Variants in MYO18B observed in about 807,000 individuals in gnomAD.
MYO18B encodes unconventional myosin-XVIIIb.
A neutral mutation model predicts 273.0 loss-of-function variants in MYO18B; 204 were observed. The observed-to-expected ratio is 0.75, with a 90% CI of 0.67 to 0.84. The LOEUF (loss-of-function observed/expected upper bound fraction) is 0.84, where lower values mean the gene tolerates loss of function less well. Ranked by LOEUF, MYO18B falls within the 40% of genes least tolerant of loss-of-function variation. The pLI, the probability that MYO18B is intolerant of heterozygous loss-of-function variation, is 0.00. For missense variants in MYO18B, 3,212 were observed against 3,287.6 expected, an observed-to-expected ratio of 0.98 and a Z score of 0.56; for synonymous variants, 1,330 against 1,305.7, an observed-to-expected ratio of 1.02 and a Z score of -0.40.
At chr22:25,822,022 T>A (rs1292163120) in intron 12 of MYO18B, among the ~76,000 whole-genome samples, 1 of 152,198 alleles carries the variant, frequency 6.6e-6, no homozygotes, top group African/African-American at 2.4e-5. Context: ...CATTCAGGTG[T>A]AAGCATTGTC....
chr22:25,799,473 T>A (rs7292491), intron 12 of MYO18B, among the ~76,000 whole-genome samples: 4 of 152,050 alleles, frequency 2.6e-5, no homozygotes, highest in Non-Finnish European at 4.4e-5. Context: ...TGATTGTGAC[T>A]TTGTCTAGCT....
intron 1 of MYO18B, among the ~76,000 whole-genome samples, chr22:25,758,118 A>G (rs763997456): frequency 1.6e-4 from 25 of 152,126 alleles, no homozygotes; most frequent in Non-Finnish European, 2.2e-4. Context: ...GATTCAAGCA[A>G]TTCTCCCACA....
intron 12 of MYO18B, among the ~76,000 whole-genome samples, chr22:25,801,794 G>A (rs1033582890): frequency 1.3e-5 from 2 of 152,154 alleles, no homozygotes; most frequent in Non-Finnish European, 2.9e-5. Context: ...CTGTTACGAT[G>A]CCCATTTTAT....
At chr22:25,893,221 AT>A (rs981429558) in intron 27 of MYO18B, among the ~76,000 whole-genome samples, 21 of 152,208 alleles carry the variant, frequency 1.4e-4, no homozygotes, top group African/African-American at 5.1e-4. Context: ...TTAAAAAAAT[AT>A]GTTTTCCTTT....
In MYO18B at chr22:26,030,823, G is replaced by C. The variant is rs1426309417; in HGVS notation, c.*393G>C. The stretch of plus-strand genomic sequence containing the variant: ...CTTCCTCCTCCTCTTCACTTGGCCA[G>C]TTTCAGCTCACTTCCTCCAGGAAGT... On this transcript the variant is annotated 3_prime_UTR_variant, in exon 44 of 44. Coordinates refer to ENST00000335473, the MANE Select transcript of MYO18B (RefSeq NM_032608.7). 4 of 397,916 alleles carry C rather than the reference G, an allele frequency of 1.0e-5. No homozygotes were observed. The highest frequency in any genetic ancestry group is 1.8e-5 in the Non-Finnish European group (4 of 225,890). The allele number at this position is 397,916 out of a possible 1,614,324, so 24.6% of individuals were successfully genotyped here. A position where few individuals can be genotyped will look rare whatever the true frequency, so the allele number is the denominator to read the frequency against.
intron 42 of MYO18B, among the ~76,000 whole-genome samples, chr22:26,018,679 G>A (rs1283175910): frequency 5.3e-5 from 8 of 152,208 alleles, no homozygotes; most frequent in Non-Finnish European, 8.8e-5. Flanking sequence ...ATGGCCAGGC[G>A]TGGTTGCTCA....
chr22:25,788,857 A>G (rs1238803531), intron 11 of MYO18B, among the ~76,000 whole-genome samples: 2 of 152,176 alleles, frequency 1.3e-5, no homozygotes, highest in Admixed American at 1.3e-4. Context: ...TCCCAGTACC[A>G]GCGGTTAAGC....
In MYO18B at chr22:25,768,465, C is replaced by G. The variant is rs41281573; in HGVS notation, c.549C>G (p.Pro183=). Residue 183 remains proline, a synonymous_variant, in exon 4 of 44, where the codon CCC becomes CCG. Transcript: ENST00000335473. ...HDAPPCKTSP[P]ATDTGKEKKG... ...CCCCCCCTTGCAAGACCTCTCCCCCCGCCACAGATACTGGAAAGGAAAAGA... is the reference window on the plus strand; with the variant it reads ...CCCCCCCTTGCAAGACCTCTCCCCCGGCCACAGATACTGGAAAGGAAAAGA... 3.7e-6 allele frequency: 6 copies of G among 1,607,216 alleles called. No individual in the cohort carries two copies. In the Admixed American group the frequency reaches 8.4e-5, roughly 23 times the overall value.
At chr22:25,792,320 C>A (rs2087698729) in intron 11 of MYO18B, among the ~76,000 whole-genome samples, 1 of 151,814 alleles carries the variant, frequency 6.6e-6, no homozygotes, top group Non-Finnish European at 1.5e-5. Context: ...CACTTTCTCT[C>A]CTCTCCACTT....
At chr22:25,936,441 C>G (rs2092579391) in intron 34 of MYO18B, among the ~76,000 whole-genome samples, 1 of 152,172 alleles carries the variant, frequency 6.6e-6, no homozygotes. Context: ...TTCCACAGGA[C>G]TTACAGGAAA....
At chr22:25,891,282 G>C in intron 26 of MYO18B, 22 bp from the exon 27 acceptor site, 1 of 1,493,236 alleles carries the variant, frequency 6.7e-7, no homozygotes, top group Non-Finnish European at 9.2e-7. Flanking sequence ...CTCTAGTTTA[G>C]ACCTTGAGCC....
rs1255819241 is a variant in MYO18B at position 25,958,205 on chromosome 22, C to T, written c.6156+2841C>T. On this transcript the variant is annotated intron_variant, in intron 39 of 43. Coordinates refer to ENST00000335473, the MANE Select transcript of MYO18B (RefSeq NM_032608.7). ...GTTGGAATTAACAGGCATGAGCCAC[C>T]GCGCCTGGCCTACAAACCCTTTTTC... Among the ~76,000 whole-genome samples, 5 of 152,130 alleles carry T rather than the reference C, an allele frequency of 3.3e-5. No homozygotes were observed. The South Asian group carries it at 6.2e-4, about 19-fold the overall frequency.
intron 29 of MYO18B, chr22:25,901,177 C>G (rs1454249247): frequency 6.6e-6 from 1 of 152,200 alleles, no homozygotes; most frequent in Non-Finnish European, 1.5e-5. Flanking sequence ...TTGGGTCTCT[C>G]AGAAGTCTGA....
chr22:25,863,708 AGCATTCAG>A (rs1395944320), intron 21 of MYO18B, among the ~76,000 whole-genome samples: 6 of 152,212 alleles, frequency 3.9e-5, no homozygotes, highest in African/African-American at 1.2e-4. Context: ...AAATGTACTC[AGCATTCAG>A]GCAGTTCCCA....
At chr22:25,978,980 T>C (rs1203857140) in intron 39 of MYO18B, among the ~76,000 whole-genome samples, 1 of 152,078 alleles carries the variant, frequency 6.6e-6, no homozygotes, top group African/African-American at 2.4e-5. Flanking sequence ...CTTTAGGAGA[T>C]GATGATGAAG....
intron 17 of MYO18B, among the ~76,000 whole-genome samples, chr22:25,843,453 A>G (rs986366526): frequency 1.1e-4 from 17 of 152,238 alleles, no homozygotes; most frequent in African/African-American, 4.1e-4. Flanking sequence ...AGTCCAGGTG[A>G]TACGTGGTTA....
chr22:25,953,078 C>T (rs910728448), intron 38 of MYO18B, among the ~76,000 whole-genome samples: 4 of 152,148 alleles, frequency 2.6e-5, no homozygotes, highest in Non-Finnish European at 5.9e-5. Flanking sequence ...TAATGCTGAA[C>T]CTTGAAGGAC....
chr22:25,904,007 C>T (rs941312530), intron 31 of MYO18B, among the ~76,000 whole-genome samples, 176 bp downstream of exon 31: 1 of 152,192 alleles, frequency 6.6e-6, no homozygotes, highest in Non-Finnish European at 1.5e-5. Context: ...CCTGATCCAG[C>T]TCTCCCCTGC....
In MYO18B at chr22:25,852,193, C is replaced by T. The variant is rs575640857; in HGVS notation, c.3885+614C>T. On this transcript the variant is annotated intron_variant, in intron 21 of 43. Transcript: ENST00000335473. Reference sequence around the variant, plus strand: ...AACATCACTCCTTAGGGCCTTTGCACGAGCTGTTTTCTCTGCCTGGAGCAC... The same window carrying T: ...AACATCACTCCTTAGGGCCTTTGCATGAGCTGTTTTCTCTGCCTGGAGCAC... Among the ~76,000 whole-genome samples, 23 of 152,290 alleles carry T rather than the reference C, an allele frequency of 1.5e-4. No homozygotes were observed. In the South Asian group the frequency reaches 3.3e-3, roughly 22 times the overall value.
Sources: allele counts gnomAD v4.1 joint callset (sites outside exome capture counted in the v4.1 genomes callset), GRCh38; gene constraint gnomAD v4.1.1; transcripts MANE v1.5; gene names NCBI Gene and HGNC (gene_info 2026-07-23, HGNC 2026-07-21).